The following AUH variants were observed in gnomAD, a reference collection of about 807,000 sequenced individuals.
The protein encoded by AUH is methylglutaconyl-CoA hydratase, mitochondrial.
In AUH, 29 loss-of-function variants were observed where a neutral mutation model predicts 42.3. The ratio of observed to expected loss-of-function variants is 0.69; its 90% CI spans 0.51 to 0.93. The LOEUF (loss-of-function observed/expected upper bound fraction) is 0.93, where lower values mean the gene tolerates loss of function less well. Among genes scored for constraint, AUH ranks in the 40% least tolerant of loss-of-function variants. The pLI, the probability that AUH is intolerant of heterozygous loss-of-function variation, is 0.00. For missense variants in AUH, 452 were observed against 438.1 expected, an observed-to-expected ratio of 1.03 and a Z score of -0.28; for synonymous variants, 174 against 166.4, an observed-to-expected ratio of 1.05 and a Z score of -0.35.
intron 3 of AUH, among the ~76,000 whole-genome samples, chr9:91,330,767 G>A (rs1830268921): frequency 6.6e-6 from 1 of 152,160 alleles, no homozygotes; most frequent in Non-Finnish European, 1.5e-5. Context: ...AATGGTACAG[G>A]CTGAATCCTG....
chr9:91,294,980 CAT>C (rs201525025), intron 6 of AUH, among the ~76,000 whole-genome samples: 3,584 of 152,294 alleles, frequency 0.024, 50 homozygotes, highest in Non-Finnish European at 0.036. Flanking sequence ...ATAATTCCCA[CAT>C]GTTGTGGGAG....
intron 7 of AUH, 140 bp from the exon 8 acceptor site, chr9:91,217,467 C>T: frequency 1.2e-6 from 1 of 833,104 alleles, no homozygotes; most frequent in Non-Finnish European, 1.9e-6. Flanking sequence ...GGAAAATTTT[C>T]TGAGCCTTGC....
chr9:91,325,387 T>C lies in AUH; in HGVS notation c.436A>G (p.Arg146Gly), dbSNP rs780776671. 15 of 1,613,760 alleles carry C rather than the reference T, an allele frequency of 9.3e-6. No individual in the cohort carries two copies. Among genetic ancestry groups the C allele is most frequent in the South Asian group, 4.4e-5 (4 of 91,082 alleles). The change falls in exon 4 of 10, where the codon AGA becomes GGA. Residue 146 changes from arginine (R) to glycine (G), a missense_variant. Physicochemically the swap from Arg to Gly is moderately radical, Grantham distance 125. Transcript: ENST00000375731. The stretch of plus-strand genomic sequence containing the variant: ...ACTTCACTGGAACTCATTTTGGCTC[T>C]TTCCTTAAGGTCAGCACCTGCAAAG... ...IFCAGADLKE[R>G]AKMSSSEVGP...
intron 6 of AUH, among the ~76,000 whole-genome samples, chr9:91,288,195 A>T (rs1826569470): frequency 6.6e-6 from 1 of 152,150 alleles, no homozygotes; most frequent in Non-Finnish European, 1.5e-5. Flanking sequence ...AACCTCCAGT[A>T]GAAGAGGTAA....
intron 7 of AUH, among the ~76,000 whole-genome samples, chr9:91,219,330 C>G (rs1827003772): frequency 6.6e-6 from 1 of 152,196 alleles, no homozygotes; most frequent in African/African-American, 2.4e-5. Context: ...GTGTCATAAC[C>G]TTTCTTAAAC....
intron 3 of AUH, among the ~76,000 whole-genome samples, chr9:91,354,138 A>G (rs1403966019): frequency 1.3e-5 from 2 of 152,046 alleles, no homozygotes; most frequent in Non-Finnish European, 2.9e-5. Context: ...ACTGCACTCC[A>G]GCCTGGGCAA....
intron 3 of AUH, among the ~76,000 whole-genome samples, chr9:91,344,413 T>G (rs1283405766): frequency 6.6e-6 from 1 of 152,216 alleles, no homozygotes; most frequent in Non-Finnish European, 1.5e-5. Context: ...CTCCCTAAAA[T>G]GTATAAAACC....
intron 6 of AUH, among the ~76,000 whole-genome samples, chr9:91,250,414 T>A (rs902966767): frequency 6.6e-6 from 1 of 152,254 alleles, no homozygotes; most frequent in Admixed American, 6.5e-5. Context: ...GTTCACTGCA[T>A]GTCCTGACTG....
intron 4 of AUH, among the ~76,000 whole-genome samples, chr9:91,319,499 G>A (rs1829408059): frequency 6.6e-6 from 1 of 152,186 alleles, no homozygotes; most frequent in South Asian, 2.1e-4. Context: ...GCCAACACCA[G>A]AGAAAGGCAG....
At position 91,219,812 on chromosome 9, in the gene AUH, G is replaced by C. The variant is rs77616438; in HGVS notation, c.843+993C>G. ...GTGCCAAGAACACTTTCTGAAACTG[G>C]ATGCAAGACTCTGAACAAATGTGAG... On this transcript the variant is annotated intron_variant, in intron 7 of 9. Coordinates refer to ENST00000375731, the MANE Select transcript of AUH (RefSeq NM_001698.3). 5.4e-3 allele frequency among the ~76,000 whole-genome samples: 821 copies of C among 152,278 alleles called. 8 individuals carry two copies. The highest frequency in any genetic ancestry group is 0.018 in the African/African-American group (762 of 41,550).
intron 6 of AUH, among the ~76,000 whole-genome samples, chr9:91,246,175 C>G (rs1297917839): frequency 1.3e-5 from 2 of 152,174 alleles, no homozygotes; most frequent in Non-Finnish European, 2.9e-5. Flanking sequence ...AAAAGAAACA[C>G]CACAACAATT....
chr9:91,331,472 T>C (rs1376581062), intron 3 of AUH, among the ~76,000 whole-genome samples: 1 of 152,374 alleles, frequency 6.6e-6, no homozygotes, highest in East Asian at 1.9e-4. Flanking sequence ...TCAGACATTT[T>C]AAATGAACTT....
intron 6 of AUH, among the ~76,000 whole-genome samples, chr9:91,279,141 TA>T (rs1000972724): frequency 2.6e-5 from 4 of 152,152 alleles, no homozygotes; most frequent in Admixed American, 2.6e-4. Flanking sequence ...TTAAAGATAT[TA>T]AAAATGAAGA....
intron 1 of AUH, among the ~76,000 whole-genome samples, chr9:91,358,988 A>ATT (rs1832648186): frequency 6.6e-6 from 1 of 152,184 alleles, no homozygotes; most frequent in Admixed American, 6.5e-5. Context: ...CAAGAACTCA[A>ATT]TTATCATGCA....
chr9:91,268,710 G>A (rs780604392), intron 6 of AUH, among the ~76,000 whole-genome samples: 26 of 152,222 alleles, frequency 1.7e-4, no homozygotes, highest in South Asian at 1.7e-3. Context: ...GATTACAGGC[G>A]TGAGCCACCA....
chr9:91,252,131 T>A (rs1415200410), intron 6 of AUH, among the ~76,000 whole-genome samples: 2 of 152,064 alleles, frequency 1.3e-5, no homozygotes, highest in Non-Finnish European at 2.9e-5. Flanking sequence ...CATGCCCAGC[T>A]AATTTTCGTA....
At chr9:91,301,275 C>A (rs970332630) in intron 4 of AUH, among the ~76,000 whole-genome samples, 1 of 152,184 alleles carries the variant, frequency 6.6e-6, no homozygotes, top group Non-Finnish European at 1.5e-5. Flanking sequence ...TTATGAAATA[C>A]ATATTTGGTC....
At chr9:91,314,678 T>C (rs1180465693) in intron 4 of AUH, among the ~76,000 whole-genome samples, 2 of 151,832 alleles carry the variant, frequency 1.3e-5, no homozygotes, top group Admixed American at 6.6e-5. Flanking sequence ...TTCGTAGCTA[T>C]GATGTGATGG....
At chr9:91,328,204 C>A (rs2494386) in intron 3 of AUH, among the ~76,000 whole-genome samples, 74,031 of 151,964 alleles carry the variant, frequency 0.49, 20,487 homozygotes, top group African/African-American at 0.76. Context: ...CCAGCACTTA[C>A]GCGCTCTCCT....
Sources: gnomAD v4.1 joint callset for allele counts (sites outside exome capture counted in the v4.1 genomes callset) on GRCh38, gnomAD v4.1.1 for gene constraint, MANE v1.5 for transcripts, NCBI Gene and HGNC (gene_info 2026-07-23, HGNC 2026-07-21) for gene names.